LPP: variants seen among roughly 807,000 people sequenced by gnomAD.
LPP encodes LIM domain containing preferred translocation partner in lipoma.
LPP carries 38 observed loss-of-function variants against 60.4 expected under a neutral mutation model. That is an observed-to-expected ratio of 0.63 (90% CI 0.49 to 0.83). The LOEUF (loss-of-function observed/expected upper bound fraction) is 0.83. LPP is among the 40% of genes least tolerant of loss of function. LPP has a pLI of 0.00. For missense variants in LPP, 902 were observed against 783.6 expected (o/e 1.15, Z -1.80); for synonymous variants, 328 against 290.8 (o/e 1.13, Z -1.30).
chr3:188,807,335 A>G (rs1271956757), intron 9 of LPP, among the ~76,000 whole-genome samples: 1 of 151,772 alleles, frequency 6.6e-6, no homozygotes, highest in Non-Finnish European at 1.5e-5. Context: ...TTCTGGTTTT[A>G]GTTTTAGTGT....
chr3:188,334,779 T>A (rs1160222806), intron 2 of LPP, among the ~76,000 whole-genome samples: 1 of 152,196 alleles, frequency 6.6e-6, no homozygotes, highest in Non-Finnish European at 1.5e-5. Context: ...TTTTCTATAA[T>A]GGCTGTACTA....
chr3:188,405,461 G>A (rs899306451), intron 3 of LPP, among the ~76,000 whole-genome samples: 4 of 152,004 alleles, frequency 2.6e-5, no homozygotes, highest in African/African-American at 9.7e-5. Flanking sequence ...CACACTAAAC[G>A]TAAATGCTGT....
intron 9 of LPP, among the ~76,000 whole-genome samples, chr3:188,852,697 A>G (rs1762945700): frequency 6.6e-6 from 1 of 152,134 alleles, no homozygotes; most frequent in Non-Finnish European, 1.5e-5. Flanking sequence ...TGGACTTCCC[A>G]CCCTCCATTA....
chr3:188,753,285 T>C (rs2150347633), intron 8 of LPP, among the ~76,000 whole-genome samples: 1 of 152,318 alleles, frequency 6.6e-6, no homozygotes, highest in East Asian at 1.9e-4. Flanking sequence ...ACAATAATTT[T>C]CTATTTTTTG....
At chr3:188,685,568 C>T (rs1016189541) in intron 7 of LPP, among the ~76,000 whole-genome samples, 14 of 152,208 alleles carry the variant, frequency 9.2e-5, no homozygotes, top group Middle Eastern at 3.4e-3. Flanking sequence ...ATTACGGGTC[C>T]GGGACCCGCA....
At chr3:188,205,970 A>C (rs556355277) in intron 1 of LPP, among the ~76,000 whole-genome samples, 1 of 152,328 alleles carries the variant, frequency 6.6e-6, no homozygotes, top group African/African-American at 2.4e-5. Flanking sequence ...CTGCTGCTAC[A>C]TATAAAAGTT....
intron 3 of LPP, among the ~76,000 whole-genome samples, chr3:188,353,331 T>C (rs1254275739): frequency 6.6e-6 from 1 of 152,222 alleles, no homozygotes; most frequent in Admixed American, 6.5e-5. Flanking sequence ...TGGATTCGGA[T>C]GACCTCTAAA....
intron 1 of LPP, among the ~76,000 whole-genome samples, chr3:188,198,813 C>T (rs1372844510): frequency 6.6e-6 from 1 of 152,122 alleles, no homozygotes; most frequent in Non-Finnish European, 1.5e-5. Context: ...ACGTGGGTCA[C>T]CAGATGAGAA....
chr3:188,769,370 C>T (rs955837934), intron 9 of LPP, among the ~76,000 whole-genome samples: 2 of 152,140 alleles, frequency 1.3e-5, no homozygotes, highest in Non-Finnish European at 2.9e-5. Flanking sequence ...ATCCCCCAGC[C>T]CTCTGCTCAT....
intron 8 of LPP, among the ~76,000 whole-genome samples, chr3:188,720,507 G>A (rs566361852): frequency 6.6e-6 from 1 of 151,662 alleles, no homozygotes; most frequent in Non-Finnish European, 1.5e-5. Context: ...CATCTTCCTG[G>A]TGTGTGAAGA....
chr3:188,315,189 G>T (rs1754674668), intron 2 of LPP, among the ~76,000 whole-genome samples: 1 of 151,920 alleles, frequency 6.6e-6, no homozygotes, highest in South Asian at 2.1e-4. Flanking sequence ...CATTTGCATG[G>T]TGTAAAATAA....
chr3:188,163,536 A>G (rs1365212260), intron 1 of LPP, among the ~76,000 whole-genome samples: 1 of 152,142 alleles, frequency 6.6e-6, no homozygotes, highest in African/African-American at 2.4e-5. Flanking sequence ...CCCTACTTAT[A>G]GGTGAATATT....
intron 8 of LPP, among the ~76,000 whole-genome samples, chr3:188,717,781 C>T (rs1714659052): frequency 6.6e-6 from 1 of 152,102 alleles, no homozygotes; most frequent in African/African-American, 2.4e-5. Context: ...TCTATCTTAG[C>T]ATACATTAAT....
At chr3:188,491,093 G>C in intron 5 of LPP, among the ~76,000 whole-genome samples, 1 of 152,224 alleles carries the variant, frequency 6.6e-6, no homozygotes, top group Non-Finnish European at 1.5e-5. Context: ...ATTCCATGTA[G>C]GACTATCATG....
intron 2 of LPP, among the ~76,000 whole-genome samples, chr3:188,272,311 C>T (rs1412078064): frequency 1.3e-5 from 2 of 152,098 alleles, no homozygotes; most frequent in Non-Finnish European, 2.9e-5. Context: ...TTGGTATGCC[C>T]GGTGACACTG....
At chr3:188,261,710 C>A (rs1327703151) in intron 2 of LPP, among the ~76,000 whole-genome samples, 1 of 150,720 alleles carries the variant, frequency 6.6e-6, no homozygotes, top group Middle Eastern at 3.4e-3. Context: ...AGGTTTGAGA[C>A]CAGCCTGGGC....
At chr3:188,249,884 C>CATAT (rs71167082) in intron 2 of LPP, among the ~76,000 whole-genome samples, 1 of 117,240 alleles carries the variant, frequency 8.5e-6, no homozygotes, top group Non-Finnish European at 1.7e-5. Flanking sequence ...TCCCCCACCC[C>CATAT]ATATATATAT....
At position 188,753,421 on chromosome 3, in the gene LPP, A is replaced by G. The variant is rs535398660; in HGVS notation, c.1241-6692A>G. On this transcript the variant is annotated intron_variant, in intron 8 of 11. Transcript: ENST00000617246. Reference sequence around the variant, plus strand: ...GTCTAAGCTAAGCAAATCTCTGTCTATAAATGAATCACATCGTGGTTAGAC... The same window carrying G: ...GTCTAAGCTAAGCAAATCTCTGTCTGTAAATGAATCACATCGTGGTTAGAC... Among the ~76,000 whole-genome samples the G allele has an allele frequency of 9.9e-5, 15 of 152,220 alleles. No homozygotes were observed. The East Asian group carries it at 2.5e-3, about 26-fold the overall frequency.
chr3:188,647,762 G>A (rs1246427239), intron 7 of LPP, among the ~76,000 whole-genome samples: 1 of 152,200 alleles, frequency 6.6e-6, no homozygotes, highest in African/African-American at 2.4e-5. Context: ...GGTCATTTCT[G>A]TAATGTATCA....
Sources: gnomAD v4.1 joint callset for allele counts (sites outside exome capture counted in the v4.1 genomes callset) on GRCh38, gnomAD v4.1.1 for gene constraint, MANE v1.5 for transcripts, NCBI Gene and HGNC (gene_info 2026-07-23, HGNC 2026-07-21) for gene names.